HIF3A: variants seen among roughly 807,000 people sequenced by gnomAD.
HIF3A encodes hypoxia-inducible factor 3-alpha.
In HIF3A, 41 loss-of-function variants were observed where a neutral mutation model predicts 67.2. That is an observed-to-expected ratio of 0.61 (90% CI 0.48 to 0.79). The LOEUF (loss-of-function observed/expected upper bound fraction) is 0.79, where lower values mean the gene tolerates loss of function less well. HIF3A is among the 30% of genes least tolerant of loss of function. The pLI, the probability that HIF3A is intolerant of heterozygous loss-of-function variation, is 0.00. For missense variants in HIF3A, 855 were observed against 898.0 expected (o/e 0.95, Z 0.61); for synonymous variants, 356 against 374.8 (o/e 0.95, Z 0.58).
chr19:46,330,543 CAGATGGATGGT>C (rs1971127795), intron 12 of HIF3A, among the ~76,000 whole-genome samples: 2 of 139,746 alleles, frequency 1.4e-5, no homozygotes, highest in Admixed American at 1.4e-4. Flanking sequence ...GGATGGATGG[CAGATGGATGGT>C]GGATGGATGG....
chr19:46,320,342 C>T (rs755251523), intron 8 of HIF3A, 101 bp from the exon 9 acceptor site: 98 of 826,118 alleles, frequency 1.2e-4, no homozygotes, highest in South Asian at 4.7e-4. Context: ...AGCCCCTGGG[C>T]GCCATTGCCT....
Position 46,297,196 on chromosome 19 carries a change from G to T in HIF3A, c.26+94G>T. On this transcript the variant is annotated intron_variant, in intron 1 of 14. Transcript: ENST00000377670. The surrounding 1 kb of genome is among the most constrained non-coding windows in gnomAD (Gnocchi z 4.5). ...TTGTTGGGGGGGGTGGGGTTCGCGG[G>T]TGCGAGCCAAGAACGCCCCGGGGCG... 1.4e-6 allele frequency: 1 copy of T among 710,312 alleles called. No homozygotes were observed. The highest frequency in any genetic ancestry group is 3.3e-5 in the Admixed American group (1 of 30,256). 44.0% of individuals were successfully genotyped at this position (710,312 alleles called of 1,614,324 possible).
Position 46,325,542 on chromosome 19 carries a change from T to C in HIF3A, c.1343T>C (p.Leu448Pro), listed in dbSNP as rs1970719445. The C allele has an allele frequency of 6.2e-7, 1 of 1,611,688 alleles. No homozygotes were observed. Among genetic ancestry groups the C allele is most frequent in the African/African-American group, 1.3e-5 (1 of 74,862 alleles). The change falls in exon 11 of 15, where the codon CTC (leucine) becomes CCC (proline). Residue 448 changes from leucine (L) to proline (P), a missense_variant. Physicochemically the swap from Leu to Pro is moderately conservative, Grantham distance 98 (BLOSUM62 -3). Transcript: ENST00000377670. ...RHPQSPLSAD[L>P]PDELPVGTEN... The stretch of plus-strand genomic sequence containing the variant: ...TACTCCATCTCTCCACAGGCTGATC[T>C]CCCAGATGAACTACCTGTGGGCACC...
At chr19:46,331,007 G>T in intron 12 of HIF3A, 149 bp from the exon 13 acceptor site, 1 of 521,996 alleles carries the variant, frequency 1.9e-6, no homozygotes, top group Non-Finnish European at 3.4e-6. Flanking sequence ...AAGATGGATT[G>T]GTGGATGGAT....
intron 8 of HIF3A, among the ~76,000 whole-genome samples, chr19:46,319,950 C>T (rs1244993397): frequency 6.6e-6 from 1 of 152,190 alleles, no homozygotes; most frequent in Non-Finnish European, 1.5e-5. Flanking sequence ...TCAGAATAGG[C>T]CGGGCACAGT....
At chr19:46,303,632 G>A (rs1224438985) in intron 1 of HIF3A, 1 of 1,578,406 alleles carries the variant, frequency 6.3e-7, no homozygotes, top group Admixed American at 1.9e-5. Flanking sequence ...GCGGCCCTAG[G>A]CGCGCCACAG....
chr19:46,325,957 T>A (rs2057979296), intron 11 of HIF3A, among the ~76,000 whole-genome samples: 1 of 152,224 alleles, frequency 6.6e-6, no homozygotes, highest in Non-Finnish European at 1.5e-5. Flanking sequence ...GTATTAGTTA[T>A]CTACTGTTGT....
In HIF3A at chr19:46,314,314, A is replaced by G. The variant is rs552640662; in HGVS notation, c.1025+1661A>G. Among the ~76,000 whole-genome samples, 44 of 145,770 alleles carry G rather than the reference A, an allele frequency of 3.0e-4. 2 individuals are homozygous for G. Among genetic ancestry groups the G allele is most frequent in the Non-Finnish European group, 6.0e-4 (40 of 66,618 alleles). ...GATGACTAGAGCCTCTGAGGTGAAGACCAGCCTGGGCAAAGTGGTTAAGAC... is the reference window on the plus strand; with the variant it reads ...GATGACTAGAGCCTCTGAGGTGAAGGCCAGCCTGGGCAAAGTGGTTAAGAC... On this transcript the variant is annotated intron_variant, in intron 8 of 14. Coordinates refer to ENST00000377670, the MANE Select transcript of HIF3A (RefSeq NM_152795.4).
intron 8 of HIF3A, among the ~76,000 whole-genome samples, chr19:46,315,677 G>A (rs1386762963): frequency 6.6e-6 from 1 of 151,382 alleles, no homozygotes; most frequent in Non-Finnish European, 1.5e-5. Flanking sequence ...ACTTTGGGAG[G>A]CCGAGGAGGG....
At chr19:46,310,541 G>A (rs772949530) in intron 6 of HIF3A, 3 of 454,100 alleles carry the variant, frequency 6.6e-6, no homozygotes, top group Non-Finnish European at 1.3e-5. Context: ...GTCATGCTTA[G>A]GAATGGTGAC....
At chr19:46,303,689 TA>T (rs750623552) in intron 1 of HIF3A, 1 of 1,584,018 alleles carries the variant, frequency 6.3e-7, no homozygotes, top group Non-Finnish European at 8.6e-7. Flanking sequence ...AGACCACAGG[TA>T]AAATCAGGGC....
At chr19:46,303,842 C>A (rs929451703) in intron 1 of HIF3A, 56 bp from the exon 2 acceptor site, 9 of 1,565,334 alleles carry the variant, frequency 5.7e-6, no homozygotes, top group Non-Finnish European at 7.8e-6. Context: ...GTGCTCGTCC[C>A]GTCCTCCTTT....
chr19:46,336,340 C>T (rs1971617311), intron 14 of HIF3A, among the ~76,000 whole-genome samples: 1 of 151,796 alleles, frequency 6.6e-6, no homozygotes, highest in African/African-American at 2.4e-5. Context: ...GATCCGCCCA[C>T]CTCGGCCTCC....
rs1374360082 is a variant in HIF3A at position 46,333,745 on chromosome 19, TTTTTC to T, written c.1831-1144_1831-1140del. ...GATATATATTTTTTTCCTTCCTTTC[TTTTTC>T]TTTTCTTTTCTTTTCCTTTCCTTTC... On this transcript the variant is annotated intron_variant, in intron 13 of 14. Coordinates refer to ENST00000377670, the MANE Select transcript of HIF3A (RefSeq NM_152795.4). Among the ~76,000 whole-genome samples the T allele has an allele frequency of 6.2e-4, 94 of 151,664 alleles. 1 individual carries two copies. The highest frequency in any genetic ancestry group is 1.8e-3 in the African/African-American group (76 of 41,372).
At chr19:46,322,102 G>A (rs1970415488) in intron 10 of HIF3A, 136 bp downstream of exon 10, 1 of 832,772 alleles carries the variant, frequency 1.2e-6, no homozygotes, top group African/African-American at 1.7e-5. Flanking sequence ...GGGATGAGAT[G>A]GGGTTGAGGT....
rs377766723 is a variant in HIF3A, at chr19:46,305,687, A to T, written c.363+297A>T. ...ACTTAGCCGGTCAAAGGGTATGGAG[A>T]ATGGATGGGATCAGTGAAGATCAGG... On this transcript the variant is annotated intron_variant, in intron 3 of 14. Coordinates refer to ENST00000377670, the MANE Select transcript of HIF3A (RefSeq NM_152795.4). 3.3e-5 allele frequency among the ~76,000 whole-genome samples: 5 copies of T among 152,216 alleles called. No individual in the cohort carries two copies. The East Asian group carries it at 9.6e-4, about 29-fold the overall frequency.
rs116820422 is a variant in HIF3A at position 46,326,956 on chromosome 19, G to A, written c.1440+1317G>A. Among the ~76,000 whole-genome samples, 744 of 152,098 alleles carry A rather than the reference G, an allele frequency of 4.9e-3. 4 individuals are homozygous for A. The highest frequency in any genetic ancestry group is 0.016 in the African/African-American group (674 of 41,482). Reference sequence around the variant, plus strand: ...ATCTTGAGGTCAGGAGATCAAGACCGTTCTGGCCAACATGGTGAAACCCTG... The same window carrying A: ...ATCTTGAGGTCAGGAGATCAAGACCATTCTGGCCAACATGGTGAAACCCTG... On this transcript the variant is annotated intron_variant, in intron 11 of 14. Coordinates refer to ENST00000377670, the MANE Select transcript of HIF3A (RefSeq NM_152795.4).
chr19:46,311,289 A>C (rs1969405032), intron 6 of HIF3A, among the ~76,000 whole-genome samples: 1 of 152,066 alleles, frequency 6.6e-6, no homozygotes, highest in Non-Finnish European at 1.5e-5. Context: ...ACCGTTCTGG[A>C]GGTCAGAAAT....
Position 46,305,278 on chromosome 19 carries a change from C to A in HIF3A, c.251C>A (p.Pro84Gln), listed in dbSNP as rs1401954046. 6.2e-7 allele frequency: 1 copy of A among 1,613,940 alleles called. No individual in the cohort carries two copies. The highest frequency in any genetic ancestry group is 8.5e-7 in the Non-Finnish European group (1 of 1,180,006). The change falls in exon 3 of 15, where the codon CCA becomes CAA. Residue 84 changes from proline to glutamine, a missense_variant. Pro to Gln is a moderately conservative substitution (Grantham distance 76, BLOSUM62 -1). Around this residue, in one of 3 missense-constraint regions of HIF3A, gnomAD observed 638 missense variants for 660.5 expected, o/e 0.97. Transcript: ENST00000377670. ...EWNQVGAGGE[P>Q]LDACYLKALE... ...AACCAGGTGGGAGCAGGGGGAGAAC[C>A]ACTGGATGCCTGCTACCTGAAGGCC... is the stretch of plus-strand genomic sequence containing the variant.
Sources: allele counts gnomAD v4.1 joint callset (sites outside exome capture counted in the v4.1 genomes callset), GRCh38; gene constraint gnomAD v4.1.1; regional missense constraint gnomAD v4.1.1; non-coding constraint Gnocchi (gnomAD v3.1); transcripts MANE v1.5; gene names NCBI Gene and HGNC (gene_info 2026-07-23, HGNC 2026-07-21).